The following SLC2A12 variants were observed in gnomAD, a reference collection of about 807,000 sequenced individuals.
The protein encoded by SLC2A12 is solute carrier family 2 member 12, also known as solute carrier family 2, facilitated glucose transporter member 12.
A neutral mutation model predicts 41.8 loss-of-function variants in SLC2A12; 23 were observed. The ratio of observed to expected loss-of-function variants is 0.55; its 90% CI spans 0.40 to 0.78. SLC2A12 has a LOEUF of 0.78. Ranked by LOEUF, SLC2A12 falls within the 30% of genes least tolerant of loss-of-function variation. The pLI is 0.00. For missense variants in SLC2A12, 654 were observed against 745.6 expected (o/e 0.88, Z 1.43); for synonymous variants, 295 against 285.9 (o/e 1.03, Z -0.32).
rs372220451 is a variant in SLC2A12 at position 134,052,449 on chromosome 6, C to T, written c.32G>A (p.Ser11Asn). MVPVENTEGPSLLNQKGTAVE... is the reference protein window; with the variant it reads MVPVENTEGPNLLNQKGTAVE... ...GGCTGTCCCCTTCTGGTTCAGCAGA[C>T]TGGGGCCCTCGGTGTTTTCAACAGG... The change falls in exon 1 of 5, where the codon AGT (serine) becomes AAT (asparagine). Residue 11 changes from serine (S) to asparagine (N), a missense_variant. Ser to Asn is a conservative substitution (Grantham distance 46). Transcript: ENST00000275230. 3.7e-6 allele frequency: 6 copies of T among 1,613,450 alleles called. No individual in the cohort carries two copies. The African/African-American group carries it at 6.7e-5, about 18-fold the overall frequency.
At chr6:133,991,573 C>T (rs933957096) in intron 4 of SLC2A12, among the ~76,000 whole-genome samples, 1 of 152,172 alleles carries the variant, frequency 6.6e-6, no homozygotes, top group African/African-American at 2.4e-5. Flanking sequence ...GATAGTATTA[C>T]ATACAGAGAA....
At chr6:134,036,177 T>A (rs1777296132) in intron 1 of SLC2A12, among the ~76,000 whole-genome samples, 2 of 152,176 alleles carry the variant, frequency 1.3e-5, no homozygotes, top group African/African-American at 4.8e-5. Flanking sequence ...TCTTTTTTTC[T>A]TTTTTTGGCA....
chr6:134,030,741 G>A (rs1215584195), intron 1 of SLC2A12, among the ~76,000 whole-genome samples: 1 of 152,188 alleles, frequency 6.6e-6, no homozygotes, highest in Non-Finnish European at 1.5e-5. Flanking sequence ...TTGTGAGCCT[G>A]GAGCGGTAGG....
intron 2 of SLC2A12, among the ~76,000 whole-genome samples, chr6:134,017,786 G>A (rs1776982517): frequency 6.6e-6 from 1 of 151,860 alleles, no homozygotes; most frequent in African/African-American, 2.4e-5. Context: ...CCCGGAAGGC[G>A]GAGCTTGCAG....
chr6:134,031,384 T>A (rs768965335), intron 1 of SLC2A12, among the ~76,000 whole-genome samples: 83 of 151,554 alleles, frequency 5.5e-4, no homozygotes, highest in Non-Finnish European at 9.3e-4. Context: ...AGAGCAAGAC[T>A]CCATCTCACA....
chr6:133,991,319 AAG>A lies in SLC2A12; in HGVS notation c.1701-13_1701-12del. On this transcript the variant is annotated splice_polypyrimidine_tract_variant and intron_variant, in intron 4 of 4. Coordinates refer to ENST00000275230, the MANE Select transcript of SLC2A12 (RefSeq NM_145176.3). ...TTTTTCACATAGTTCCTGAAAGAGA[AAG>A]AGGCACTAATGAAAATGTCATTCTT... 6.2e-7 allele frequency: 1 copy of A among 1,606,400 alleles called. No homozygotes were observed. Among genetic ancestry groups the A allele is most frequent in the South Asian group, 1.1e-5 (1 of 89,402 alleles).
At chr6:134,002,286 C>G (rs530769391) in intron 3 of SLC2A12, among the ~76,000 whole-genome samples, 157 bp from the exon 4 acceptor site, 1 of 152,124 alleles carries the variant, frequency 6.6e-6, no homozygotes, top group Non-Finnish European at 1.5e-5. Flanking sequence ...ATGTAGCCAG[C>G]TCTGAAGGTG....
intron 2 of SLC2A12, among the ~76,000 whole-genome samples, chr6:134,020,607 G>A (rs1562196987): frequency 6.6e-6 from 1 of 151,932 alleles, no homozygotes; most frequent in Non-Finnish European, 1.5e-5. Flanking sequence ...CTCTTAGCAA[G>A]AAAAAAAATG....
intron 2 of SLC2A12, among the ~76,000 whole-genome samples, chr6:134,025,144 A>G (rs1272825013): frequency 3.3e-5 from 5 of 152,342 alleles, no homozygotes; most frequent in South Asian, 4.1e-4. Flanking sequence ...ACAATGGTAC[A>G]CTATTTTTAT....
chr6:134,016,063 C>A (rs1024065512), intron 2 of SLC2A12, among the ~76,000 whole-genome samples: 1 of 152,060 alleles, frequency 6.6e-6, no homozygotes, highest in Non-Finnish European at 1.5e-5. Context: ...GGTTGGGAGC[C>A]AGTTCTCCGT....
intron 1 of SLC2A12, among the ~76,000 whole-genome samples, chr6:134,049,572 T>C (rs1773645387): frequency 2.0e-5 from 3 of 152,224 alleles, no homozygotes; most frequent in African/African-American, 7.2e-5. Context: ...TTTATATCTG[T>C]TGTCAACTCT....
At chr6:133,996,404 CAA>C (rs142347077) in intron 4 of SLC2A12, among the ~76,000 whole-genome samples, 3,912 of 152,304 alleles carry the variant, frequency 0.026, 107 homozygotes, top group East Asian at 0.16. Context: ...AAAATCTTTT[CAA>C]ATTACATTAT....
chr6:134,032,466 T>TATAAATA (rs1562201745), intron 1 of SLC2A12, among the ~76,000 whole-genome samples: 2 of 33,192 alleles, frequency 6.0e-5, no homozygotes, highest in African/African-American at 3.1e-4. Flanking sequence ...ATATATATAT[T>TATAAATA]TTTATATATA....
chr6:134,029,196 T>C lies in SLC2A12; in HGVS notation c.629A>G (p.Gln210Arg), dbSNP rs1200064986. ...FGLVIPLGVL[Q>R]AIAMYFLPPS... is the part of the protein sequence containing the mutation. ...AGGAAGAAAATACATTGCAATTGCT[T>C]GCAAAACTCCCAAGGGAATCACAAG... The change falls in exon 2 of 5, where the codon CAA becomes CGA. Residue 210 changes from glutamine (Q) to arginine (R), a missense_variant. Around this residue, in one of 3 missense-constraint regions of SLC2A12, gnomAD observed 411 missense variants for 412.1 expected, o/e 1.00. Coordinates refer to ENST00000275230, the MANE Select transcript of SLC2A12 (RefSeq NM_145176.3). The C allele has an allele frequency of 6.2e-7, 1 of 1,613,992 alleles. No individual in the cohort carries two copies. Among genetic ancestry groups the C allele is most frequent in the Non-Finnish European group, 8.5e-7 (1 of 1,180,040 alleles).
At chr6:134,037,344 G>T (rs1777316815) in intron 1 of SLC2A12, among the ~76,000 whole-genome samples, 1 of 149,990 alleles carries the variant, frequency 6.7e-6, no homozygotes, top group African/African-American at 2.5e-5. Flanking sequence ...TCTTGGGTTA[G>T]CATTTTTTTT....
intron 1 of SLC2A12, among the ~76,000 whole-genome samples, chr6:134,032,426 T>TATATATATATATATA (rs1777223371): frequency 2.8e-5 from 1 of 35,506 alleles, no homozygotes; most frequent in African/African-American, 1.2e-4. Context: ...ATATATATAT[T>TATATATATATATATA]TATATATATA....
chr6:134,033,003 A>G (rs1214208105), intron 1 of SLC2A12, among the ~76,000 whole-genome samples: 1 of 151,724 alleles, frequency 6.6e-6, no homozygotes, highest in African/African-American at 2.4e-5. Flanking sequence ...CAGGCCCAGG[A>G]GAAAGTAATT....
At chr6:134,002,281 G>T in intron 3 of SLC2A12, 152 bp from the exon 4 acceptor site, 1 of 857,574 alleles carries the variant, frequency 1.2e-6, no homozygotes, top group Non-Finnish European at 1.7e-6. Context: ...TTAAAATGTA[G>T]CCAGCTCTGA....
intron 4 of SLC2A12, among the ~76,000 whole-genome samples, chr6:133,996,714 A>G (rs955965097): frequency 2.0e-5 from 3 of 152,182 alleles, no homozygotes; most frequent in Non-Finnish European, 2.9e-5. Flanking sequence ...TTAACTCAGC[A>G]GTGTCCTTCC....
Sources: gnomAD v4.1 joint callset for allele counts (sites outside exome capture counted in the v4.1 genomes callset) on GRCh38, gnomAD v4.1.1 for gene constraint, gnomAD v4.1.1 regional missense constraint, MANE v1.5 for transcripts, NCBI Gene and HGNC (gene_info 2026-07-23, HGNC 2026-07-21) for gene names.